The following RANBP2 variants were observed in gnomAD, a reference collection of about 807,000 sequenced individuals.
RANBP2 encodes the protein RAN binding protein 2.
RANBP2 carries 57 observed loss-of-function variants against 303.6 expected under a neutral mutation model. The observed-to-expected ratio is 0.19, with a 90% CI of 0.15 to 0.23. The LOEUF is 0.23. RANBP2 is among the 10% of genes least tolerant of loss of function. The pLI is 1.00. For synonymous variants in RANBP2, 1,167 were observed against 1,301.5 expected (o/e 0.90, Z 2.23); for missense variants, 3,138 against 3,780.8 (o/e 0.83, Z 4.46).
chr2:108,802,754 T>A, the RANBP2 span, among the ~76,000 whole-genome samples: 40 of 150,172 alleles, frequency 2.7e-4, no homozygotes, highest in African/African-American at 9.2e-4. Flanking sequence ...CAGTATGATA[T>A]CGGCTGTGGG....
chr2:108,805,691 C>T, the RANBP2 span, among the ~76,000 whole-genome samples: 6 of 151,702 alleles, frequency 4.0e-5, no homozygotes, highest in African/African-American at 1.5e-4. Context: ...TGTGCCACTG[C>T]ACTCCAGCCT....
the RANBP2 span, among the ~76,000 whole-genome samples, chr2:109,307,950 G>T: frequency 7.6e-6 from 1 of 132,242 alleles, no homozygotes; most frequent in Non-Finnish European, 1.6e-5. Flanking sequence ...GTAATGGGAT[G>T]GCTGGGTCAA....
chr2:108,986,095 T>C, the RANBP2 span, among the ~76,000 whole-genome samples: 1 of 152,126 alleles, frequency 6.6e-6, no homozygotes, highest in Non-Finnish European at 1.5e-5. Flanking sequence ...AAATTAAATA[T>C]GGTCAAGCTC....
At chr2:109,643,748 G>C in the RANBP2 span, among the ~76,000 whole-genome samples, 266 of 151,982 alleles carry the variant, frequency 1.8e-3, 2 homozygotes, top group Non-Finnish European at 5.1e-4. Context: ...CTGGGCCACA[G>C]AGTGAGACTC....
chr2:109,075,655 C>T, the RANBP2 span, among the ~76,000 whole-genome samples: 1 of 144,438 alleles, frequency 6.9e-6, no homozygotes, highest in African/African-American at 2.5e-5. Flanking sequence ...CAATGGATAT[C>T]TGAGAAATAA....
chr2:108,996,955 C>G, the RANBP2 span, among the ~76,000 whole-genome samples: 1 of 152,160 alleles, frequency 6.6e-6, no homozygotes, highest in African/African-American at 2.4e-5. Flanking sequence ...CAGTGGCACA[C>G]CACTTCAGTT....
the RANBP2 span, among the ~76,000 whole-genome samples, chr2:109,309,328 A>G: frequency 2.0e-5 from 3 of 150,602 alleles, no homozygotes; most frequent in Non-Finnish European, 4.4e-5. Flanking sequence ...TTTTGGGCTG[A>G]GACAAAAGAG....
At chr2:108,921,258 T>A in the RANBP2 span, among the ~76,000 whole-genome samples, 2 of 152,144 alleles carry the variant, frequency 1.3e-5, no homozygotes, top group East Asian at 3.9e-4. Flanking sequence ...ACCCTGACAC[T>A]GACCTGGGCT....
At chr2:108,865,226 T>C in the RANBP2 span, among the ~76,000 whole-genome samples, 2 of 152,210 alleles carry the variant, frequency 1.3e-5, no homozygotes, top group Non-Finnish European at 2.9e-5. Context: ...AATTCATTCA[T>C]TTAAGCAGAC....
the RANBP2 span, among the ~76,000 whole-genome samples, chr2:109,583,525 T>G: frequency 6.6e-6 from 1 of 152,200 alleles, no homozygotes; most frequent in African/African-American, 2.4e-5. Flanking sequence ...AGGAAATGCT[T>G]GTACCCTGCT....
chr2:109,189,741 A>G, the RANBP2 span, among the ~76,000 whole-genome samples: 123,094 of 152,122 alleles, frequency 0.81, 49,925 homozygotes, highest in South Asian at 0.86. Flanking sequence ...GGTTTGCATC[A>G]TTATCTGCAC....
the RANBP2 span, among the ~76,000 whole-genome samples, chr2:108,819,142 C>G: frequency 2.6e-5 from 4 of 152,036 alleles, no homozygotes; most frequent in Non-Finnish European, 5.9e-5. Flanking sequence ...AAGTTAATTG[C>G]AATATAATGA....
At chr2:109,724,929 C>T in the RANBP2 span, among the ~76,000 whole-genome samples, 16 of 152,284 alleles carry the variant, frequency 1.1e-4, no homozygotes, top group South Asian at 2.1e-4. Context: ...CTAGGGTAAG[C>T]GAAAGCAGTG....
the RANBP2 span, among the ~76,000 whole-genome samples, chr2:109,362,735 T>A: frequency 6.6e-6 from 1 of 152,246 alleles, no homozygotes. Context: ...TTTTGCATCA[T>A]GTATTTTGAC....
At chr2:109,457,364 A>G in the RANBP2 span, among the ~76,000 whole-genome samples, 1 of 152,368 alleles carries the variant, frequency 6.6e-6, no homozygotes, top group Non-Finnish European at 1.5e-5. Flanking sequence ...GTAAACTATT[A>G]TTCAGAAGTA....
At position 108,766,237 on chromosome 2, in the gene RANBP2, T is replaced by G; in HGVS notation, c.5698T>G (p.Phe1900Val). 6.2e-7 allele frequency: 1 copy of G among 1,612,182 alleles called. No homozygotes were observed. The highest frequency in any genetic ancestry group is 1.1e-5 in the South Asian group (1 of 90,990). ...CCCTGTGTCTGCTGATGGATTTAAA[T>G]TTGGCATTTCGGAACCAGGAAATCA... Reference protein sequence around the residue: ...SIPVSADGFKFGISEPGNQEK... With the variant: ...SIPVSADGFKVGISEPGNQEK... Residue 1900 changes from phenylalanine to valine, a missense_variant, in exon 20 of 29, where the codon TTT becomes GTT. Coordinates refer to ENST00000283195, the MANE Select transcript of RANBP2 (RefSeq NM_006267.5).
the RANBP2 span, chr2:109,616,569 A>G: frequency 1.2e-5 from 2 of 167,152 alleles, no homozygotes; most frequent in East Asian, 1.9e-4. Flanking sequence ...TTAAGGTACT[A>G]CTGAAGGTCA....
chr2:109,561,701 T>G, the RANBP2 span, among the ~76,000 whole-genome samples: 5 of 152,196 alleles, frequency 3.3e-5, no homozygotes, highest in African/African-American at 7.2e-5. Context: ...CTAAACTCTC[T>G]GATTCCCATC....
At chr2:108,934,891 T>A in the RANBP2 span, among the ~76,000 whole-genome samples, 1 of 152,194 alleles carries the variant, frequency 6.6e-6, no homozygotes, top group Non-Finnish European at 1.5e-5. Flanking sequence ...TGGAAATGTC[T>A]CTTCCCACCT....
Sources: allele counts gnomAD v4.1 joint callset (sites outside exome capture counted in the v4.1 genomes callset), GRCh38; gene constraint gnomAD v4.1.1; transcripts MANE v1.5; gene names NCBI Gene and HGNC (gene_info 2026-07-23, HGNC 2026-07-21).